Variants in AXIN2 observed in about 807,000 individuals in gnomAD.
The protein encoded by AXIN2 is axin 2.
A neutral mutation model predicts 74.7 loss-of-function variants in AXIN2; 21 were observed. The ratio of observed to expected loss-of-function variants is 0.28; its 90% confidence interval spans 0.20 to 0.40. The LOEUF is 0.40. AXIN2 is among the 10% of genes least tolerant of loss of function. The pLI is 1.00. For missense variants in AXIN2, 1,144 were observed against 1,111.1 expected, an observed-to-expected ratio of 1.03 and a Z score of -0.42; for synonymous variants, 532 against 454.9, an observed-to-expected ratio of 1.17 and a Z score of -2.16.
In AXIN2 at chr17:65,529,825, T is replaced by C; in HGVS notation, c.*151A>G. ...CATGAAAATCAACCTCCCCCCGCCC[T>C]CCCGAAGGCCCACTGGCCGATTCTT... On this transcript the variant is annotated 3_prime_UTR_variant, in exon 11 of 11. Coordinates refer to ENST00000307078, the MANE Select transcript of AXIN2 (RefSeq NM_004655.4). 7.8e-7 allele frequency: 1 copy of C among 1,281,786 alleles called. No homozygotes were observed. The highest frequency in any genetic ancestry group is 1.5e-5 in the African/African-American group (1 of 67,924). 79.4% of individuals were successfully genotyped at this position (1,281,786 alleles called of 1,614,324 possible). A position where few individuals can be genotyped will look rare whatever the true frequency, so the allele number is the denominator to read the frequency against.
Position 65,558,683 on chromosome 17 carries a change from G to A in AXIN2, c.-63C>T, listed in dbSNP as rs1567769904. 6.6e-7 allele frequency: 1 copy of A among 1,515,894 alleles called. No individual in the cohort carries two copies. The highest frequency in any genetic ancestry group is 1.9e-5 in the Admixed American group (1 of 53,572). 93.9% of individuals were successfully genotyped at this position (1,515,894 alleles called of 1,614,324 possible). A position where few individuals can be genotyped will look rare whatever the true frequency, so the allele number is the denominator to read the frequency against. ...CTTCTTCCAGTTCCTCTCAGCAATC[G>A]GCGTGGTCTCTCTGTCTCTCTCAAG... On this transcript the variant is annotated 5_prime_UTR_variant, in exon 2 of 11. Transcript: ENST00000307078.
intron 4 of AXIN2, among the ~76,000 whole-genome samples, chr17:65,539,316 G>C (rs1200530228): frequency 6.6e-6 from 1 of 152,182 alleles, no homozygotes; most frequent in Non-Finnish European, 1.5e-5. Flanking sequence ...CAGCTGAAAA[G>C]ATGGGCCTTG....
Position 65,537,411 on chromosome 17 carries a change from A to C in AXIN2, c.1625T>G (p.Phe542Cys). The C allele has an allele frequency of 6.2e-7, 1 of 1,613,994 alleles. No individual in the cohort carries two copies. Among genetic ancestry groups the C allele is most frequent in the Non-Finnish European group, 8.5e-7 (1 of 1,180,004 alleles). The change falls in exon 6 of 11, where the codon TTC becomes TGC. Residue 542 changes from phenylalanine (F) to cysteine (C), a missense_variant. Physicochemically the swap from Phe to Cys is radical, Grantham distance 205 (BLOSUM62 -2). Around this residue, in one of 4 missense-constraint regions of AXIN2, gnomAD observed 1,053 missense variants for 973.5 expected, o/e 1.08. Coordinates refer to ENST00000307078, the MANE Select transcript of AXIN2 (RefSeq NM_004655.4). ...GTAATACTCGCTGCCCCCAGGGCAGAAGCAGTGCACCCGCTGCGTGGCCTC... is the reference window on the plus strand; with the variant it reads ...GTAATACTCGCTGCCCCCAGGGCAGCAGCAGTGCACCCGCTGCGTGGCCTC... ...EAEATQRVHCFCPGGSEYYCY... is the reference protein window; with the variant it reads ...EAEATQRVHCCCPGGSEYYCY...
chr17:65,548,670 G>A (rs769640303), intron 3 of AXIN2, among the ~76,000 whole-genome samples: 8 of 152,106 alleles, frequency 5.3e-5, no homozygotes, highest in Non-Finnish European at 8.8e-5. Context: ...AAGGACAGCC[G>A]GAGACAGGGA....
chr17:65,554,911 T>TGTGC (rs2044245647), intron 2 of AXIN2, among the ~76,000 whole-genome samples: 1 of 152,080 alleles, frequency 6.6e-6, no homozygotes, highest in Non-Finnish European at 1.5e-5. Flanking sequence ...ACCTCGACAC[T>TGTGC]GTGCGTGTGT....
rs768265778 is a variant in AXIN2, at chr17:65,558,612, GCTACTCATGGTGAGGGAGCT to G, written c.-12_8del. The G allele has an allele frequency of 1.2e-5, 20 of 1,606,462 alleles. No individual in the cohort carries two copies. The highest frequency in any genetic ancestry group is 1.7e-5 in the Non-Finnish European group (20 of 1,179,934). ...CCGGGAGGCAAGTCACCAACATAGC[GCTACTCATGGTGAGGGAGCT>G]CTTCCCACTGAGTCTGGGAATTTTT... On this transcript the variant is annotated start_lost and 5_prime_UTR_variant, in exon 2 of 11. Transcript: ENST00000307078.
In AXIN2 at chr17:65,535,680, G is replaced by C. The variant is rs762001576; in HGVS notation, c.2183C>G (p.Ala728Gly). Residue 728 changes from alanine to glycine, a missense_variant, in exon 9 of 11, where the codon GCC (alanine) becomes GGC (glycine). By Grantham distance (60) the Ala-to-Gly change is moderately conservative. Coordinates refer to ENST00000307078, the MANE Select transcript of AXIN2 (RefSeq NM_004655.4). ...ASQQRDRNHS[A>G]TVQTGATPFS... is the part of the protein sequence containing the mutation. The stretch of plus-strand genomic sequence containing the variant: ...GGGTGTGGCTCCCGTCTGAACAGTG[G>C]CCGAATGATTCCTGTCCCTCTGCTG... 1 of 1,614,150 alleles carries C rather than the reference G, an allele frequency of 6.2e-7. No homozygotes were observed.
At chr17:65,558,773 A>AGG (rs2044316856) in intron 1 of AXIN2, 37 bp from the exon 2 acceptor site, 2 of 789,374 alleles carry the variant, frequency 2.5e-6, no homozygotes, top group Non-Finnish European at 4.2e-6. Flanking sequence ...GGGGAGAGAG[A>AGG]AAAGGGTATT....
At position 65,558,186 on chromosome 17, in the gene AXIN2, G is replaced by T. The variant is rs111470596; in HGVS notation, c.435C>A (p.Val145=). The change falls in exon 2 of 11, where the codon GTC becomes GTA. Residue 145 remains valine (V), a synonymous_variant. Transcript: ENST00000307078. ...TGGTGGCAGGCTTCAGCTGCTTGGAGACAATGCTGTTGTTCTCAATGTACC... is the reference window on the plus strand; with the variant it reads ...TGGTGGCAGGCTTCAGCTGCTTGGATACAATGCTGTTGTTCTCAATGTACC... ...YKRYIENNSI[V]SKQLKPATKT... 59 of 1,614,106 alleles carry T rather than the reference G, an allele frequency of 3.7e-5. No homozygotes were observed. The African/African-American group carries it at 7.3e-4, about 20-fold the overall frequency.
Position 65,558,063 on chromosome 17 carries a change from G to A in AXIN2, c.558C>T (p.Ala186=), listed in dbSNP as rs1598119456. 2 of 1,613,900 alleles carry A rather than the reference G, an allele frequency of 1.2e-6. No individual in the cohort carries two copies. Among genetic ancestry groups the A allele is most frequent in the African/African-American group, 1.3e-5 (1 of 74,858 alleles). Residue 186 remains alanine (A), a synonymous_variant, in exon 2 of 11, where the codon GCC becomes GCT. Transcript: ENST00000307078. ...TATCAGAAGTCAAAAACATCTGGTA[G>A]GCATTTTCCTCCATCACCGACTGGA... ...TEIQSVMEEN[A]YQMFLTSDIY...
Position 65,551,556 on chromosome 17 carries a change from G to A in AXIN2, c.816-1896C>T, listed in dbSNP as rs1416329676. On this transcript the variant is annotated intron_variant, in intron 2 of 10. Coordinates refer to ENST00000307078, the MANE Select transcript of AXIN2 (RefSeq NM_004655.4). ...CCAGACTGGATGGAAAGGAGGGGTA[G>A]GTACAGGCAGGGAGCCCTGGGGGAA... is the stretch of plus-strand genomic sequence containing the variant. Among the ~76,000 whole-genome samples the A allele has an allele frequency of 2.9e-4, 44 of 152,166 alleles. 1 individual carries two copies. The highest frequency in any genetic ancestry group is 1.0e-4 in the Non-Finnish European group (7 of 68,016).
chr17:65,556,544 G>A (rs1446627011), intron 2 of AXIN2, among the ~76,000 whole-genome samples: 1 of 152,168 alleles, frequency 6.6e-6, no homozygotes, highest in African/African-American at 2.4e-5. Flanking sequence ...AGATGTCTGA[G>A]TAAAACTGGT....
intron 10 of AXIN2, among the ~76,000 whole-genome samples, chr17:65,532,605 G>C (rs954881160): frequency 6.6e-6 from 1 of 152,094 alleles, no homozygotes; most frequent in Admixed American, 6.5e-5. Flanking sequence ...TTGAGCCCCC[G>C]CCCAAACTAA....
In AXIN2 at chr17:65,558,410, G is replaced by T; in HGVS notation, c.211C>A (p.Pro71Thr). ...GLGEPEGRAS[P>T]DSPLTRWTKS... ...GTCCACCGGGTCAGAGGGGAATCCGGAGATGCCCGCCCCTCCGGCTCCCCC... is the reference window on the plus strand; with the variant it reads ...GTCCACCGGGTCAGAGGGGAATCCGTAGATGCCCGCCCCTCCGGCTCCCCC... The change falls in exon 2 of 11, where the codon CCG becomes ACG. Residue 71 changes from proline to threonine, a missense_variant. By Grantham distance (38) the Pro-to-Thr change is conservative. Around this residue, in one of 4 missense-constraint regions of AXIN2, gnomAD observed 1,053 missense variants for 973.5 expected, o/e 1.08. Coordinates refer to ENST00000307078, the MANE Select transcript of AXIN2 (RefSeq NM_004655.4). 6.2e-7 allele frequency: 1 copy of T among 1,603,348 alleles called. No individual in the cohort carries two copies. Among genetic ancestry groups the T allele is most frequent in the South Asian group, 1.1e-5 (1 of 90,020 alleles).
intron 3 of AXIN2, among the ~76,000 whole-genome samples, chr17:65,544,550 G>A (rs1027760235): frequency 1.3e-5 from 2 of 152,112 alleles, no homozygotes; most frequent in African/African-American, 4.8e-5. Flanking sequence ...CTCCAGCCAA[G>A]AATCTTCTTC....
At chr17:65,542,082 G>A (rs1468880899) in intron 3 of AXIN2, among the ~76,000 whole-genome samples, 1 of 152,190 alleles carries the variant, frequency 6.6e-6, no homozygotes, top group Non-Finnish European at 1.5e-5. Flanking sequence ...CAACCTCCTA[G>A]TCATTTCCAA....
At chr17:65,533,645 C>G (rs371800332) in intron 10 of AXIN2, among the ~76,000 whole-genome samples, 2 of 152,226 alleles carry the variant, frequency 1.3e-5, no homozygotes, top group Non-Finnish European at 2.9e-5. Flanking sequence ...CCTTTTCTCT[C>G]CTCAGTCTGG....
intron 4 of AXIN2, 48 bp from the exon 5 acceptor site, chr17:65,538,391 G>A (rs2043983019): frequency 6.2e-7 from 1 of 1,610,530 alleles, no homozygotes; most frequent in African/African-American, 1.3e-5. Context: ...AGCAGGCTAG[G>A]TGGGCGGTGG....
intron 7 of AXIN2, 53 bp downstream of exon 7, chr17:65,536,816 C>T (rs2144447019): frequency 2.5e-6 from 4 of 1,608,574 alleles, no homozygotes; most frequent in Non-Finnish European, 3.4e-6. Context: ...ACAATACCTC[C>T]GTACTGAGTG....
Sources: gnomAD v4.1 joint callset for allele counts (sites outside exome capture counted in the v4.1 genomes callset) on GRCh38, gnomAD v4.1.1 for gene constraint, gnomAD v4.1.1 regional missense constraint, MANE v1.5 for transcripts, NCBI Gene and HGNC (gene_info 2026-07-23, HGNC 2026-07-21) for gene names.